The following ENTREP2 variants were observed in gnomAD, a reference collection of about 807,000 sequenced individuals.
The protein encoded by ENTREP2 is endosomal transmembrane epsin interactor 2, also known as protein ENTREP2.
chr15:29,636,088 C>A, the ENTREP2 span, among the ~76,000 whole-genome samples: 1 of 152,204 alleles, frequency 6.6e-6, no homozygotes, highest in Admixed American at 6.5e-5. Flanking sequence ...GAAAGAGAAA[C>A]TCTGCCTGGT....
chr15:29,406,878 T>C, the ENTREP2 span, among the ~76,000 whole-genome samples: 4 of 152,202 alleles, frequency 2.6e-5, no homozygotes, highest in African/African-American at 9.7e-5. Flanking sequence ...CACCTTTTGA[T>C]ATTTCAGCAT....
At chr15:29,213,253 A>C in the ENTREP2 span, among the ~76,000 whole-genome samples, 1 of 152,162 alleles carries the variant, frequency 6.6e-6, no homozygotes, top group East Asian at 1.9e-4. Flanking sequence ...CTTTTGGCTT[A>C]GGATTGACTT....
chr15:29,223,948 TG>T, the ENTREP2 span, among the ~76,000 whole-genome samples: 2 of 152,180 alleles, frequency 1.3e-5, no homozygotes, highest in East Asian at 1.9e-4. Flanking sequence ...CGCCCAGCTC[TG>T]CCTGTGAACA....
At chr15:29,655,687 CTAT>C in the ENTREP2 span, among the ~76,000 whole-genome samples, 4 of 152,152 alleles carry the variant, frequency 2.6e-5, no homozygotes, top group Admixed American at 6.5e-5. Flanking sequence ...AAAATAAAAA[CTAT>C]GAGAAAGAAT....
At chr15:29,674,119 T>C in the ENTREP2 span, among the ~76,000 whole-genome samples, 1 of 78,472 alleles carries the variant, frequency 1.3e-5, no homozygotes, top group Non-Finnish European at 2.6e-5. Context: ...TTCCCCAGCC[T>C]GCAGAGGATG....
At chr15:29,332,896 T>C in the ENTREP2 span, among the ~76,000 whole-genome samples, 1 of 149,848 alleles carries the variant, frequency 6.7e-6, no homozygotes, top group Non-Finnish European at 1.5e-5. Flanking sequence ...GGGGCGGAGG[T>C]TGCAGTGAGC....
At chr15:29,479,535 A>G in the ENTREP2 span, among the ~76,000 whole-genome samples, 1 of 152,084 alleles carries the variant, frequency 6.6e-6, no homozygotes, top group East Asian at 1.9e-4. Flanking sequence ...CAGCACAACT[A>G]TGGGAAGGAG....
chr15:29,258,230 A>AAAAAG, the ENTREP2 span, among the ~76,000 whole-genome samples: 2 of 127,240 alleles, frequency 1.6e-5, no homozygotes, highest in Non-Finnish European at 3.2e-5. Flanking sequence ...AAAAAAAAAA[A>AAAAAG]AAAGAAAGAA....
the ENTREP2 span, among the ~76,000 whole-genome samples, chr15:29,384,367 C>T: frequency 6.6e-6 from 1 of 152,164 alleles, no homozygotes; most frequent in Non-Finnish European, 1.5e-5. Flanking sequence ...CAGCACCCTC[C>T]ATTTCCCGGT....
chr15:29,619,524 C>T, the ENTREP2 span, among the ~76,000 whole-genome samples: 1 of 152,082 alleles, frequency 6.6e-6, no homozygotes, highest in Non-Finnish European at 1.5e-5. Context: ...GTAGCTGGGA[C>T]ACACACAAAC....
chr15:29,654,478 G>A, the ENTREP2 span, among the ~76,000 whole-genome samples: 1 of 152,262 alleles, frequency 6.6e-6, no homozygotes, highest in African/African-American at 2.4e-5. Context: ...ACTGAATCTG[G>A]TCAGTTTTTA....
chr15:29,600,586 G>A, the ENTREP2 span, among the ~76,000 whole-genome samples: 1 of 152,024 alleles, frequency 6.6e-6, no homozygotes, highest in Non-Finnish European at 1.5e-5. Context: ...GTCACATGTT[G>A]CTTTGAAACC....
At chr15:29,315,386 C>T in the ENTREP2 span, among the ~76,000 whole-genome samples, 101 of 152,156 alleles carry the variant, frequency 6.6e-4, no homozygotes, top group South Asian at 3.5e-3. Flanking sequence ...TAAAATAAAA[C>T]GGAAATATCC....
chr15:29,610,820 C>G, the ENTREP2 span: 2 of 151,052 alleles, frequency 1.3e-5, no homozygotes, highest in African/African-American at 4.9e-5. Context: ...GCACTGAAAC[C>G]TGGGACTCTT....
chr15:29,151,838 G>A, the ENTREP2 span: 1 of 1,550,698 alleles, frequency 6.4e-7, no homozygotes, highest in Non-Finnish European at 8.7e-7. Flanking sequence ...CTGAAGAGGA[G>A]ATCCTGCGAG....
the ENTREP2 span, among the ~76,000 whole-genome samples, chr15:29,175,984 A>C: frequency 1.3e-5 from 2 of 152,302 alleles, no homozygotes; most frequent in Non-Finnish European, 2.9e-5. Context: ...CATCAAGGTA[A>C]AGTGTGAGTG....
chr15:29,529,507 G>A, the ENTREP2 span, among the ~76,000 whole-genome samples: 1 of 151,900 alleles, frequency 6.6e-6, no homozygotes, highest in Non-Finnish European at 1.5e-5. Flanking sequence ...GGCCTAGAAG[G>A]TGAGAGCCAG....
the ENTREP2 span, among the ~76,000 whole-genome samples, chr15:29,413,363 A>C: frequency 6.6e-6 from 1 of 152,212 alleles, no homozygotes; most frequent in Admixed American, 6.5e-5. Context: ...TTCATGACAG[A>C]TTGATCGATT....
chr15:29,402,334 G>C, the ENTREP2 span, among the ~76,000 whole-genome samples: 3 of 149,128 alleles, frequency 2.0e-5, no homozygotes, highest in African/African-American at 7.4e-5. Context: ...ATGTATATTG[G>C]AGACAAGGTC....
Sources: allele counts gnomAD v4.1 joint callset (sites outside exome capture counted in the v4.1 genomes callset), GRCh38; gene constraint gnomAD v4.1.1; transcripts MANE v1.5; gene names NCBI Gene and HGNC (gene_info 2026-07-23, HGNC 2026-07-21).